Variants in GSE1 observed in about 807,000 individuals in gnomAD.
The protein encoded by GSE1 is genetic suppressor element 1.
In GSE1, 32 loss-of-function variants were observed where a neutral mutation model predicts 112.6. That is an observed-to-expected ratio of 0.28 (90% CI 0.21 to 0.38). GSE1 has a LOEUF of 0.38. Ranked by LOEUF, GSE1 falls within the 10% of genes least tolerant of loss-of-function variation. The pLI is 1.00. For missense variants in GSE1, 2,348 were observed against 1,699.2 expected, an observed-to-expected ratio of 1.38 and a Z score of -6.71; for synonymous variants, 1,115 against 735.6, an observed-to-expected ratio of 1.52 and a Z score of -8.35.
At chr16:85,243,117 G>A (rs914085647) in intron 1 of GSE1, among the ~76,000 whole-genome samples, 13 of 152,212 alleles carry the variant, frequency 8.5e-5, no homozygotes, top group African/African-American at 3.1e-4. Context: ...CCATCCCTCA[G>A]GTGAGTAACA....
intron 2 of GSE1, among the ~76,000 whole-genome samples, chr16:85,641,494 C>T (rs1320591791): frequency 6.7e-6 from 1 of 149,854 alleles, no homozygotes; most frequent in Non-Finnish European, 1.5e-5. Context: ...TCGGGAGAGC[C>T]CTGCCCTGGG....
intron 1 of GSE1, among the ~76,000 whole-genome samples, chr16:85,303,024 T>C (rs1483545496): frequency 1.3e-5 from 2 of 152,008 alleles, no homozygotes; most frequent in African/African-American, 2.4e-5. Flanking sequence ...TCGACCTACA[T>C]TGCGCTGACT....
At position 85,373,476 on chromosome 16, in the gene GSE1, A is replaced by G. The variant is rs183315831; in HGVS notation, c.2464+15833A>G. ...CTCCCCCTCCGCTGCTTTCCAGCTC[A>G]GCCTGTCTCCCCATTTGTGAAGTAG... On this transcript the variant is annotated intron_variant, in intron 2 of 2. Coordinates refer to the GSE1 transcript ENST00000637419. This position sits in a 1 kb window ranked among gnomAD's most constrained non-coding sequence, Gnocchi z 5.1. 3.0e-3 allele frequency among the ~76,000 whole-genome samples: 457 copies of G among 152,250 alleles called. No individual in the cohort carries two copies. The highest frequency in any genetic ancestry group is 0.011 in the African/African-American group (442 of 41,548).
chr16:85,382,821 CACAA>C lies in GSE1; in HGVS notation c.2464+25182_2464+25185del, dbSNP rs368708040. Among the ~76,000 whole-genome samples, 350 of 151,756 alleles carry C rather than the reference CACAA, an allele frequency of 2.3e-3. 5 individuals carry two copies. Among genetic ancestry groups the C allele is most frequent in the African/African-American group, 3.4e-3 (140 of 41,324 alleles). ...ATGCACACACACTCATACACACATG[CACAA>C]ACACACTCATGCACACACATGCATA... On this transcript the variant is annotated intron_variant, in intron 2 of 2. Coordinates refer to the GSE1 transcript ENST00000637419.
At chr16:85,505,284 C>A (rs776742705) in intron 2 of GSE1, among the ~76,000 whole-genome samples, 2 of 152,144 alleles carry the variant, frequency 1.3e-5, no homozygotes, top group African/African-American at 4.8e-5. Flanking sequence ...GCCTGCCATG[C>A]GATCAGGGAC....
intron 1 of GSE1, among the ~76,000 whole-genome samples, chr16:85,315,378 G>A (rs1334963716): frequency 6.6e-6 from 1 of 152,220 alleles, no homozygotes; most frequent in Non-Finnish European, 1.5e-5. Flanking sequence ...CAAACAGGCA[G>A]GGAACAGGCC....
intron 2 of GSE1, among the ~76,000 whole-genome samples, chr16:85,637,734 A>G (rs1036429630): frequency 2.0e-5 from 3 of 150,958 alleles, no homozygotes; most frequent in Non-Finnish European, 4.4e-5. Flanking sequence ...CCGCAGGTGT[A>G]GCCTCCTCCC....
At chr16:85,610,338 G>A (rs1281711332), upstream of GSE1, among the ~76,000 whole-genome samples, 2 of 152,238 alleles carry the variant, frequency 1.3e-5, no homozygotes, top group Non-Finnish European at 2.9e-5. Flanking sequence ...GGGAAAGAGA[G>A]CTGTGCCCAG....
chr16:85,561,737 CCTTT>C (rs1181658731), intron 1 of GSE1, among the ~76,000 whole-genome samples: 2 of 152,212 alleles, frequency 1.3e-5, no homozygotes, highest in Non-Finnish European at 2.9e-5. Flanking sequence ...GTCCTAGGCC[CCTTT>C]CTTGACCATC....
At chr16:85,475,784 T>C (rs879817579) in intron 2 of GSE1, among the ~76,000 whole-genome samples, 42,028 of 98,306 alleles carry the variant, frequency 0.43, 7,055 homozygotes, top group South Asian at 0.52. Context: ...TTCTTTTTTT[T>C]TTTTTTTTTT....
intron 1 of GSE1, among the ~76,000 whole-genome samples, chr16:85,177,102 G>A (rs970828978): frequency 1.3e-5 from 2 of 152,234 alleles, no homozygotes; most frequent in African/African-American, 4.8e-5. Context: ...AAACCCGGAG[G>A]CAGTCGGAGA....
intron 1 of GSE1, among the ~76,000 whole-genome samples, chr16:85,571,904 C>G (rs2045997913): frequency 6.6e-6 from 1 of 152,092 alleles, no homozygotes; most frequent in Non-Finnish European, 1.5e-5. Context: ...GCACAAACCA[C>G]CAAGTGGCAG....
intron 2 of GSE1, among the ~76,000 whole-genome samples, chr16:85,402,405 C>T (rs1428117043): frequency 6.6e-6 from 1 of 152,138 alleles, no homozygotes; most frequent in Non-Finnish European, 1.5e-5. Flanking sequence ...GAGCGCACAG[C>T]CTCAAGAACG....
chr16:85,443,887 G>C (rs1453527224), intron 2 of GSE1, among the ~76,000 whole-genome samples: 1 of 151,588 alleles, frequency 6.6e-6, no homozygotes, highest in Non-Finnish European at 1.5e-5. Context: ...GACCTATGGC[G>C]ACCAGAAAGC....
chr16:85,552,019 CT>C (rs2151239658), upstream of GSE1, among the ~76,000 whole-genome samples: 1 of 152,064 alleles, frequency 6.6e-6, no homozygotes, highest in East Asian at 1.9e-4. Context: ...CACTCAATTT[CT>C]TTCTTTCTTT....
intron 1 of GSE1, among the ~76,000 whole-genome samples, chr16:85,573,346 T>A (rs114578868): frequency 0.057 from 8,691 of 152,200 alleles, 626 homozygotes; most frequent in African/African-American, 0.14. Flanking sequence ...ATAGACCACG[T>A]TCTGTTTCTC....
chr16:85,632,343 G>C (rs574474204), intron 1 of GSE1, among the ~76,000 whole-genome samples: 2 of 152,182 alleles, frequency 1.3e-5, no homozygotes, highest in East Asian at 3.9e-4. Context: ...CCGCCTCTCT[G>C]TTCTCTCATT....
At chr16:85,431,074 C>CA (rs1555510865) in intron 2 of GSE1, among the ~76,000 whole-genome samples, 2,770 of 150,250 alleles carry the variant, frequency 0.018, 39 homozygotes, top group Middle Eastern at 0.027. Flanking sequence ...GCCACTGCCT[C>CA]GGGGGGCGGA....
At chr16:85,627,839 G>T (rs779203410) in intron 1 of GSE1, among the ~76,000 whole-genome samples, 1 of 152,328 alleles carries the variant, frequency 6.6e-6, no homozygotes, top group South Asian at 2.1e-4. Flanking sequence ...GCAGCAGGGG[G>T]GTGTGCTCTC....
Sources: gnomAD v4.1 joint callset for allele counts (sites outside exome capture counted in the v4.1 genomes callset) on GRCh38, gnomAD v4.1.1 for gene constraint, Gnocchi (gnomAD v3.1) non-coding constraint, MANE v1.5 for transcripts, NCBI Gene and HGNC (gene_info 2026-07-23, HGNC 2026-07-21) for gene names.